Variants in SUN1 observed in about 807,000 individuals in gnomAD.
SUN1 encodes SUN domain-containing protein 1.
In SUN1, 61 loss-of-function variants were observed where a neutral mutation model predicts 103.2. The ratio of observed to expected loss-of-function variants is 0.59; its 90% CI spans 0.48 to 0.73. The LOEUF (loss-of-function observed/expected upper bound fraction) is 0.73. SUN1 is among the 30% of genes least tolerant of loss of function. The probability of loss-of-function intolerance (pLI) is 0.00; values close to 1 mark genes in which losing one functional copy is unlikely to be tolerated. For missense variants in SUN1, 1,052 were observed against 1,034.6 expected (o/e 1.02, Z -0.23); for synonymous variants, 490 against 425.7 (o/e 1.15, Z -1.86).
At chr7:866,815 T>G (rs1473925547) in intron 16 of SUN1, among the ~76,000 whole-genome samples, 1 of 138,716 alleles carries the variant, frequency 7.2e-6, no homozygotes, top group Non-Finnish European at 1.5e-5. Flanking sequence ...TCAGTCCCCG[T>G]CTCCTGGACC....
At chr7:827,021 T>C (rs1792773836) in intron 1 of SUN1, among the ~76,000 whole-genome samples, 4 of 152,292 alleles carry the variant, frequency 2.6e-5, no homozygotes, top group Non-Finnish European at 5.9e-5. Flanking sequence ...ACTCAAGGTT[T>C]GTTTTTTGTT....
intron 1 of SUN1, among the ~76,000 whole-genome samples, chr7:824,855 G>C: frequency 6.6e-6 from 1 of 152,232 alleles, no homozygotes; most frequent in African/African-American, 2.4e-5. Context: ...AGAGCAGGGC[G>C]GGTGCGGGGT....
chr7:853,143 C>A, intron 9 of SUN1, 191 bp downstream of exon 9: 3 of 792,380 alleles, frequency 3.8e-6, no homozygotes, highest in African/African-American at 1.7e-5. Context: ...AAAGTACTCT[C>A]ATGATTCAGT....
Position 856,395 on chromosome 7 carries a change from C to T in SUN1, c.1388C>T (p.Thr463Ile), listed in dbSNP as rs758955338. The T allele has an allele frequency of 6.2e-7, 1 of 1,614,104 alleles. No individual in the cohort carries two copies. The highest frequency in any genetic ancestry group is 1.1e-5 in the South Asian group (1 of 91,080). The change falls in exon 12 of 19, where the codon ACA becomes ATA. Residue 463 changes from threonine (T) to isoleucine (I), a missense_variant. Physicochemically the swap from Thr to Ile is moderately conservative, Grantham distance 89. Coordinates refer to ENST00000401592, the MANE Select transcript of SUN1 (RefSeq NM_001130965.3). ...QKELEQTKQK[T>I]ISAVGEQLLP... ...GAACTAGAACAGACCAAGCAAAAAACAATCAGGTAGGAGGATTTGGAAAAC... is the reference window on the plus strand; with the variant it reads ...GAACTAGAACAGACCAAGCAAAAAATAATCAGGTAGGAGGATTTGGAAAAC...
intron 14 of SUN1, 54 bp downstream of exon 14, chr7:860,436 C>A: frequency 6.3e-7 from 1 of 1,592,216 alleles, no homozygotes; most frequent in Non-Finnish European, 8.6e-7. Flanking sequence ...TGTGCTGAGA[C>A]TGAAGACCTA....
chr7:872,830 T>G (rs1366235615), intron 18 of SUN1, among the ~76,000 whole-genome samples: 1 of 152,236 alleles, frequency 6.6e-6, no homozygotes, highest in African/African-American at 2.4e-5. Flanking sequence ...GGCTCACGTC[T>G]GTAATCCCAG....
chr7:827,556 A>G (rs185711148), upstream of SUN1, among the ~76,000 whole-genome samples: 820 of 134,668 alleles, frequency 6.1e-3, 65 homozygotes, highest in East Asian at 0.17. Flanking sequence ...TGCAAGCTCC[A>G]CCTCCCGGGT....
At chr7:843,128 T>G in intron 3 of SUN1, 78 bp from the exon 4 acceptor site, 1 of 1,583,378 alleles carries the variant, frequency 6.3e-7, no homozygotes, top group Non-Finnish European at 8.6e-7. Flanking sequence ...CCTTTACATT[T>G]TTTAATGGGT....
At chr7:849,899 C>T in intron 5 of SUN1, 3 of 1,581,428 alleles carry the variant, frequency 1.9e-6, no homozygotes, top group South Asian at 1.1e-5. Flanking sequence ...CCGCCACACT[C>T]ACTGCCTGTC....
chr7:839,849 C>A (rs570233806), intron 2 of SUN1, among the ~76,000 whole-genome samples: 2 of 152,142 alleles, frequency 1.3e-5, no homozygotes, highest in Non-Finnish European at 2.9e-5. Flanking sequence ...CCACTGCGCC[C>A]GGCCCAGTTC....
At chr7:835,106 C>G (rs1249166235) in intron 1 of SUN1, among the ~76,000 whole-genome samples, 1 of 152,190 alleles carries the variant, frequency 6.6e-6, no homozygotes, top group East Asian at 1.9e-4. Flanking sequence ...TTTTTTTTCT[C>G]TTTTGGAAAA....
chr7:849,960 C>T (rs780441220), intron 5 of SUN1: 9 of 1,601,766 alleles, frequency 5.6e-6, no homozygotes, highest in Non-Finnish European at 7.6e-6. Context: ...TCGACGCGCA[C>T]ACAGCCGCCC....
intron 1 of SUN1, among the ~76,000 whole-genome samples, chr7:818,403 G>A (rs1389287830): frequency 6.6e-6 from 1 of 152,168 alleles, no homozygotes; most frequent in African/African-American, 2.4e-5. Context: ...ATTGTCCATT[G>A]TATAGATATA....
chr7:823,939 A>C (rs1192499193), intron 1 of SUN1, among the ~76,000 whole-genome samples: 1 of 152,264 alleles, frequency 6.6e-6, no homozygotes, highest in African/African-American at 2.4e-5. Context: ...CAGATGGGTT[A>C]CATGAATTAT....
At chr7:838,430 C>T (rs867665539) in intron 1 of SUN1, among the ~76,000 whole-genome samples, 13 of 152,182 alleles carry the variant, frequency 8.5e-5, no homozygotes, top group Non-Finnish European at 2.9e-5. Flanking sequence ...TTAAATCTCA[C>T]GTCCGCGTAG....
At chr7:832,277 T>A (rs1048367480), upstream of SUN1, among the ~76,000 whole-genome samples, 2 of 152,168 alleles carry the variant, frequency 1.3e-5, no homozygotes, top group African/African-American at 2.4e-5. Flanking sequence ...GGTCTTTTTC[T>A]CAGGATATAT....
rs1193272206 is a variant in SUN1 at position 866,051 on chromosome 7, C to T, written c.1964C>T (p.Pro655Leu). Reference protein sequence around the residue: ...GIPLWYFSQSPRVVIQPDIYP... With the variant: ...GIPLWYFSQSLRVVIQPDIYP... ...CCGCTGTGGTACTTCTCGCAGTCCC[C>T]GCGCGTGGTCATCCAGGTGAGTGGC... Residue 655 changes from proline to leucine, a missense_variant, in exon 16 of 19, where the codon CCG (proline) becomes CTG (leucine). Pro to Leu is a moderately conservative substitution (Grantham distance 98, BLOSUM62 -3). Transcript: ENST00000401592. 3.1e-6 allele frequency: 5 copies of T among 1,613,924 alleles called. No individual in the cohort carries two copies. Among genetic ancestry groups the T allele is most frequent in the African/African-American group, 1.3e-5 (1 of 74,914 alleles).
At chr7:843,094 A>G (rs891230456) in intron 3 of SUN1, 112 bp from the exon 4 acceptor site, 2 of 1,470,892 alleles carry the variant, frequency 1.4e-6, no homozygotes, top group African/African-American at 2.8e-5. Flanking sequence ...CAGTGCCATA[A>G]TGCTGATTTA....
intron 15 of SUN1, among the ~76,000 whole-genome samples, chr7:862,349 G>T (rs747367518): frequency 8.5e-5 from 13 of 152,078 alleles, no homozygotes; most frequent in Admixed American, 5.9e-4. Context: ...ATGTGGTTGC[G>T]CAGGATCCTA....
Sources: allele counts gnomAD v4.1 joint callset (sites outside exome capture counted in the v4.1 genomes callset), GRCh38; gene constraint gnomAD v4.1.1; transcripts MANE v1.5; gene names NCBI Gene and HGNC (gene_info 2026-07-23, HGNC 2026-07-21).